Variants in DPP10 observed in about 807,000 individuals in gnomAD.
DPP10 encodes the protein dipeptidyl peptidase like 10, also known as inactive dipeptidyl peptidase 10.
A neutral mutation model predicts 120.9 loss-of-function variants in DPP10; 33 were observed. The ratio of observed to expected loss-of-function variants is 0.27; its 90% CI spans 0.21 to 0.37. The LOEUF (loss-of-function observed/expected upper bound fraction) is 0.37, where lower values mean the gene tolerates loss of function less well. Ranked by LOEUF, DPP10 falls within the 10% of genes least tolerant of loss-of-function variation. The pLI is 1.00. For synonymous variants in DPP10, 337 were observed against 326.1 expected (o/e 1.03, Z -0.36); for missense variants, 816 against 942.8 (o/e 0.87, Z 1.76).
chr2:115,601,976 C>T (rs888728119), intron 5 of DPP10, among the ~76,000 whole-genome samples: 8 of 152,090 alleles, frequency 5.3e-5, no homozygotes, highest in African/African-American at 1.7e-4. Flanking sequence ...CCACCGCGCC[C>T]GGCCAATTGT....
At chr2:115,278,656 A>G (rs2060014901) in intron 1 of DPP10, among the ~76,000 whole-genome samples, 1 of 152,050 alleles carries the variant, frequency 6.6e-6, no homozygotes, top group East Asian at 1.9e-4. Flanking sequence ...ACATGGGGGC[A>G]GGTGGGTGAT....
chr2:115,384,642 GGAA>G lies in DPP10; in HGVS notation c.271+40741_271+40743del, dbSNP rs202001321. On this transcript the variant is annotated intron_variant, in intron 3 of 25. Coordinates refer to ENST00000410059, the MANE Select transcript of DPP10 (RefSeq NM_020868.6). Reference sequence around the variant, plus strand: ...GAAGAAGAAGAGGAAGAAGAAAGAAGGAAGAAGAAGAAGGAAGAAGAAGAAGAA... The same window carrying G: ...GAAGAAGAAGAGGAAGAAGAAAGAAGGAAGAAGAAGGAAGAAGAAGAAGAA... Among the ~76,000 whole-genome samples the G allele has an allele frequency of 6.6e-3, 918 of 138,382 alleles. 4 individuals carry two copies. The highest frequency in any genetic ancestry group is 0.022 in the African/African-American group (831 of 38,154). The allele number at this position is 138,382 out of a possible 152,430, so 90.8% of individuals were successfully genotyped here. A position where few individuals can be genotyped will look rare whatever the true frequency, so the allele number is the denominator to read the frequency against.
intron 3 of DPP10, among the ~76,000 whole-genome samples, chr2:115,354,597 T>C (rs1438795791): frequency 2.6e-5 from 4 of 152,084 alleles, no homozygotes; most frequent in African/African-American, 7.2e-5. Flanking sequence ...CTTTTTTTTT[T>C]CCTTTAAGTT....
At chr2:114,863,367 G>A (rs1689975134) in intron 1 of DPP10, among the ~76,000 whole-genome samples, 1 of 152,114 alleles carries the variant, frequency 6.6e-6, no homozygotes, top group Non-Finnish European at 1.5e-5. Context: ...TTATTTCTAG[G>A]GTTAGAGTCG....
At chr2:115,777,929 T>C (rs1682310894) in intron 15 of DPP10, 95 bp downstream of exon 15, 6 of 1,340,504 alleles carry the variant, frequency 4.5e-6, no homozygotes, top group Non-Finnish European at 6.3e-6. Context: ...AAATGTCTTT[T>C]TCAACATGGC....
At chr2:115,228,949 T>C (rs2057590356) in intron 1 of DPP10, among the ~76,000 whole-genome samples, 1 of 152,132 alleles carries the variant, frequency 6.6e-6, no homozygotes, top group Non-Finnish European at 1.5e-5. Context: ...TTAAGGAACC[T>C]CCAACTGTTT....
chr2:115,762,556 A>C lies in DPP10; in HGVS notation c.1075-16A>C, dbSNP rs764141315. The stretch of plus-strand genomic sequence containing the variant: ...TGGTCTTTAGATGCTTCATGGAGTT[A>C]ATTGTTTTGTTTCAGAAATATGAGA... On this transcript the variant is annotated splice_polypyrimidine_tract_variant and intron_variant, in intron 11 of 25. Transcript: ENST00000410059. The C allele has an allele frequency of 6.2e-7, 1 of 1,613,426 alleles. No homozygotes were observed. Among genetic ancestry groups the C allele is most frequent in the East Asian group, 2.2e-5 (1 of 44,830 alleles).
At chr2:115,417,420 G>T (rs2069529266) in intron 3 of DPP10, among the ~76,000 whole-genome samples, 1 of 151,980 alleles carries the variant, frequency 6.6e-6, no homozygotes, top group Non-Finnish European at 1.5e-5. Context: ...GTTTAGAAGG[G>T]GGTTATCTTA....
chr2:115,418,738 A>C (rs1433108815), intron 3 of DPP10, among the ~76,000 whole-genome samples: 1 of 151,718 alleles, frequency 6.6e-6, no homozygotes, highest in Non-Finnish European at 1.5e-5. Flanking sequence ...CAAACACTGC[A>C]TTCCAGCCTG....
At chr2:114,715,245 G>T (rs1361347497) in intron 1 of DPP10, among the ~76,000 whole-genome samples, 1 of 152,086 alleles carries the variant, frequency 6.6e-6, no homozygotes, top group Non-Finnish European at 1.5e-5. Flanking sequence ...TCCTCTAGTG[G>T]AAAATTCTCA....
intron 1 of DPP10, among the ~76,000 whole-genome samples, chr2:115,168,944 T>C (rs2053107772): frequency 6.6e-6 from 1 of 152,250 alleles, no homozygotes; most frequent in East Asian, 1.9e-4. Context: ...CTGTAATTGA[T>C]GTGAACAGTA....
At chr2:114,793,992 G>A (rs1164742715) in intron 1 of DPP10, among the ~76,000 whole-genome samples, 1 of 152,174 alleles carries the variant, frequency 6.6e-6, no homozygotes, top group African/African-American at 2.4e-5. Flanking sequence ...CAGACAAAGT[G>A]TGCTTTCAAA....
intron 3 of DPP10, among the ~76,000 whole-genome samples, chr2:115,497,582 G>C (rs1211509912): frequency 6.6e-6 from 1 of 152,104 alleles, no homozygotes; most frequent in African/African-American, 2.4e-5. Context: ...GGATGATTTT[G>C]TTAGGGCATG....
At position 115,696,236 on chromosome 2, in the gene DPP10, T is replaced by C. The variant is rs559049106; in HGVS notation, c.576+6315T>C. Reference sequence around the variant, plus strand: ...CCCCAAATTTGATGAAAATCATTAGTATAAATAACCAAGAGCTCAAAAAAT... The same window carrying C: ...CCCCAAATTTGATGAAAATCATTAGCATAAATAACCAAGAGCTCAAAAAAT... On this transcript the variant is annotated intron_variant, in intron 7 of 25. Coordinates refer to ENST00000410059, the MANE Select transcript of DPP10 (RefSeq NM_020868.6). Among the ~76,000 whole-genome samples, 288 of 152,156 alleles carry C rather than the reference T, an allele frequency of 1.9e-3. 1 individual carries two copies. The highest frequency in any genetic ancestry group is 6.8e-3 in the Middle Eastern group (2 of 294).
intron 5 of DPP10, chr2:115,580,154 G>T (rs560685349): frequency 6.6e-6 from 1 of 152,208 alleles, no homozygotes; most frequent in African/African-American, 2.4e-5. Flanking sequence ...TTTTATGGTT[G>T]CATAGTATTC....
chr2:114,582,786 T>C (rs1476072302), intron 1 of DPP10, among the ~76,000 whole-genome samples: 5 of 152,154 alleles, frequency 3.3e-5, no homozygotes, highest in African/African-American at 1.2e-4. Flanking sequence ...TTTAATCAGG[T>C]TGTTCATTTT....
intron 5 of DPP10, among the ~76,000 whole-genome samples, chr2:115,616,399 A>G (rs947806703): frequency 6.6e-6 from 1 of 151,758 alleles, no homozygotes; most frequent in Non-Finnish European, 1.5e-5. Flanking sequence ...TGCCGCTACT[A>G]TGTAAGGAAT....
At chr2:115,337,171 T>C (rs2063191205) in intron 2 of DPP10, among the ~76,000 whole-genome samples, 1 of 151,832 alleles carries the variant, frequency 6.6e-6, no homozygotes, top group African/African-American at 2.4e-5. Flanking sequence ...TCCTACATTT[T>C]AGTGAATGCT....
chr2:115,645,655 CAG>C (rs1368697054), intron 5 of DPP10, among the ~76,000 whole-genome samples: 2 of 152,108 alleles, frequency 1.3e-5, no homozygotes, highest in Non-Finnish European at 2.9e-5. Flanking sequence ...TTATGCTGTT[CAG>C]GGTGGATGCA....
Sources: allele counts gnomAD v4.1 joint callset (sites outside exome capture counted in the v4.1 genomes callset), GRCh38; gene constraint gnomAD v4.1.1; transcripts MANE v1.5; gene names NCBI Gene and HGNC (gene_info 2026-07-23, HGNC 2026-07-21).